Variants in HIP1 observed in about 807,000 individuals in gnomAD.
The protein encoded by HIP1 is huntingtin interacting protein 1.
HIP1 carries 65 observed loss-of-function variants against 147.6 expected under a neutral mutation model. The ratio of observed to expected loss-of-function variants is 0.44; its 90% CI spans 0.36 to 0.54. The LOEUF is 0.54. HIP1 is among the 20% of genes least tolerant of loss of function. HIP1 has a pLI of 0.00. For synonymous variants in HIP1, 479 were observed against 504.0 expected (o/e 0.95, Z 0.67); for missense variants, 1,061 against 1,299.6 (o/e 0.82, Z 2.82).
intron 1 of HIP1, among the ~76,000 whole-genome samples, chr7:75,600,596 C>T (rs1554502792): frequency 2.0e-5 from 3 of 152,008 alleles, no homozygotes; most frequent in Non-Finnish European, 4.4e-5. Flanking sequence ...ATACATACAC[C>T]CACACATACA....
chr7:75,725,388 C>T (rs59363376), intron 1 of HIP1, among the ~76,000 whole-genome samples: 21,841 of 151,928 alleles, frequency 0.14, 2,257 homozygotes, highest in East Asian at 0.45. Context: ...CTGCACAAAA[C>T]CGTATTGCTT....
At chr7:75,541,258 C>T (rs781964826) in intron 29 of HIP1, among the ~76,000 whole-genome samples, 18 of 151,942 alleles carry the variant, frequency 1.2e-4, no homozygotes, top group Non-Finnish European at 2.2e-4. Flanking sequence ...AGGCTGGGCA[C>T]GGTGGCTCAC....
At position 75,568,260 on chromosome 7, in the gene HIP1, G is replaced by A. The variant is rs781912628; in HGVS notation, c.746-4C>T. ...TGCAGGGTGTCAGCTGGGAGGCCTG[G>A]AAGAAATTGGAAAGAGTGTGAGAGG... On this transcript the variant is annotated splice_region_variant and splice_polypyrimidine_tract_variant and intron_variant, in intron 8 of 30. Transcript: ENST00000336926. The surrounding 1 kb of genome is among the most constrained non-coding windows in gnomAD (Gnocchi z 4.1). The A allele has an allele frequency of 1.2e-5, 20 of 1,608,450 alleles. No homozygotes were observed. The South Asian group carries it at 2.2e-4, about 18-fold the overall frequency.
At chr7:75,594,953 C>A (rs1554501573) in intron 2 of HIP1, among the ~76,000 whole-genome samples, 2 of 152,138 alleles carry the variant, frequency 1.3e-5, no homozygotes, top group African/African-American at 4.8e-5. Flanking sequence ...AACTCTGTGC[C>A]CGGAACTTTA....
intron 30 of HIP1, 151 bp from the exon 31 acceptor site, chr7:75,538,375 G>C: frequency 2.9e-6 from 2 of 690,386 alleles, no homozygotes; most frequent in Admixed American, 4.2e-5. Flanking sequence ...GTCTAGGAAT[G>C]ACTAGGATCT....
chr7:75,646,229 G>A (rs977308314), intron 1 of HIP1, among the ~76,000 whole-genome samples: 3 of 152,068 alleles, frequency 2.0e-5, no homozygotes, highest in South Asian at 2.1e-4. Flanking sequence ...ACAGGCACCC[G>A]CCACCACGCC....
chr7:75,676,050 A>C (rs1291950586), intron 1 of HIP1, among the ~76,000 whole-genome samples: 2 of 152,146 alleles, frequency 1.3e-5, no homozygotes, highest in African/African-American at 4.8e-5. Context: ...ATTTCAAATA[A>C]TATAATGTGG....
chr7:75,643,103 C>A (rs1416205564), intron 1 of HIP1, among the ~76,000 whole-genome samples: 1 of 152,190 alleles, frequency 6.6e-6, no homozygotes, highest in Non-Finnish European at 1.5e-5. Context: ...TGCAGCCTAG[C>A]CCTAAAGACC....
Position 75,555,495 on chromosome 7 carries a change from C to T in HIP1, c.1884G>A (p.Arg628=), listed in dbSNP as rs1563199320. 38 of 1,614,224 alleles carry T rather than the reference C, an allele frequency of 2.4e-5. No individual in the cohort carries two copies. The highest frequency in any genetic ancestry group is 3.1e-5 in the Non-Finnish European group (37 of 1,180,044). The change falls in exon 19 of 31, where the codon AGG becomes AGA. Residue 628 remains arginine (R), a synonymous_variant. Transcript: ENST00000336926. The part of the protein sequence containing the change: ...DQRKMLLVGS[R]KAAEQVIQDA... ...CTTGTATCACCTGCTCCGCAGCCTT[C>T]CTGGACCCCACCAGAAGCATTTTTC...
At chr7:75,719,661 T>C (rs1235239482) in intron 1 of HIP1, among the ~76,000 whole-genome samples, 1 of 152,140 alleles carries the variant, frequency 6.6e-6, no homozygotes, top group Non-Finnish European at 1.5e-5. Flanking sequence ...GCTCAAGTGA[T>C]CCACTCGCCT....
intron 30 of HIP1, among the ~76,000 whole-genome samples, chr7:75,538,570 CTTTTTTTTTTT>C (rs67030357): frequency 1.8e-5 from 2 of 112,932 alleles, no homozygotes; most frequent in East Asian, 2.4e-4. Flanking sequence ...CTGATCCCTT[CTTTTTTTTTTT>C]TTTTTTTTTT....
At chr7:75,623,216 A>G (rs1554507469) in intron 1 of HIP1, among the ~76,000 whole-genome samples, 1 of 150,510 alleles carries the variant, frequency 6.6e-6, no homozygotes, top group East Asian at 1.9e-4. Flanking sequence ...AAAGCAAAAA[A>G]AAAAAAAAAA....
intron 5 of HIP1, among the ~76,000 whole-genome samples, chr7:75,585,647 G>A (rs1037880123): frequency 2.0e-5 from 3 of 150,884 alleles, no homozygotes; most frequent in African/African-American, 7.3e-5. Flanking sequence ...CCGACTCCCC[G>A]CCTCAGCCTC....
chr7:75,651,059 A>G (rs1188162414), intron 1 of HIP1, among the ~76,000 whole-genome samples: 1 of 152,040 alleles, frequency 6.6e-6, no homozygotes, highest in Non-Finnish European at 1.5e-5. Flanking sequence ...GAGAGCCACG[A>G]CATGAGCTCT....
At chr7:75,705,027 T>C (rs782398474) in intron 1 of HIP1, among the ~76,000 whole-genome samples, 28 of 152,220 alleles carry the variant, frequency 1.8e-4, no homozygotes, top group African/African-American at 2.9e-4. Flanking sequence ...ATACACGTAA[T>C]ATAAAATTTA....
At chr7:75,574,497 G>A (rs182365178) in intron 7 of HIP1, among the ~76,000 whole-genome samples, 1,934 of 151,218 alleles carry the variant, frequency 0.013, 40 homozygotes, top group African/African-American at 0.045. Context: ...GCTGAGGCAG[G>A]AGAATCACTT....
At chr7:75,735,519 T>G (rs1255685886) in intron 1 of HIP1, among the ~76,000 whole-genome samples, 2 of 152,206 alleles carry the variant, frequency 1.3e-5, no homozygotes, top group Non-Finnish European at 2.9e-5. Flanking sequence ...AAATTTTTTC[T>G]AATTCATTTT....
intron 23 of HIP1, among the ~76,000 whole-genome samples, chr7:75,548,624 G>A (rs1224694635): frequency 6.6e-6 from 1 of 151,916 alleles, no homozygotes; most frequent in African/African-American, 2.4e-5. Context: ...CTATAAGCAT[G>A]CACCACCATG....
chr7:75,734,106 C>T (rs541587958), intron 1 of HIP1, among the ~76,000 whole-genome samples: 62 of 151,930 alleles, frequency 4.1e-4, no homozygotes, highest in Middle Eastern at 6.8e-3. Context: ...ATTAGCCGGG[C>T]GTGGTGGCGC....
Sources: allele counts gnomAD v4.1 joint callset (sites outside exome capture counted in the v4.1 genomes callset), GRCh38; gene constraint gnomAD v4.1.1; non-coding constraint Gnocchi (gnomAD v3.1); transcripts MANE v1.5; gene names NCBI Gene and HGNC (gene_info 2026-07-23, HGNC 2026-07-21).